E2F3: variants seen among roughly 807,000 people sequenced by gnomAD.
The protein encoded by E2F3 is transcription factor E2F3.
Under a neutral mutation model 44.4 loss-of-function variants are expected in E2F3, and 11 were observed. The ratio of observed to expected loss-of-function variants is 0.25; its 90% CI spans 0.16 to 0.41. The LOEUF (loss-of-function observed/expected upper bound fraction) is 0.41, where lower values mean the gene tolerates loss of function less well. Among genes scored for constraint, E2F3 ranks in the 10% least tolerant of loss-of-function variants. The probability of loss-of-function intolerance (pLI) is 1.00; values close to 1 mark genes in which losing one functional copy is unlikely to be tolerated. For synonymous variants in E2F3, 249 were observed against 253.0 expected (o/e 0.98, Z 0.15); for missense variants, 487 against 583.6 (o/e 0.83, Z 1.70).
intron 1 of E2F3, among the ~76,000 whole-genome samples, chr6:20,433,836 G>A (rs1021861379): frequency 6.6e-6 from 1 of 152,102 alleles, no homozygotes; most frequent in African/African-American, 2.4e-5. Context: ...TCTATGGCAC[G>A]AAAACATGAA....
chr6:20,402,271 G>C lies in E2F3; in HGVS notation c.39G>C (p.Leu13=). 1.2e-6 allele frequency: 2 copies of C among 1,608,032 alleles called. No homozygotes were observed. Among genetic ancestry groups the C allele is most frequent in the Non-Finnish European group, 1.7e-6 (2 of 1,178,532 alleles). ...TCCAGCCCGCTCTGGAGCAGTACCT[G>C]GTGACCGCCGGGGGTGGGGAGGGGG... ...KGIQPALEQY[L]VTAGGGEGAA... Residue 13 remains leucine, a synonymous_variant, in exon 1 of 7, where the codon CTG becomes CTC. Transcript: ENST00000346618. This position sits in a 1 kb window ranked among gnomAD's most constrained non-coding sequence, Gnocchi z 5.6.
chr6:20,433,277 G>A (rs1760465943), intron 1 of E2F3, among the ~76,000 whole-genome samples: 1 of 152,152 alleles, frequency 6.6e-6, no homozygotes. Context: ...ATTGCCAAGT[G>A]CCTGTCTGTG....
intron 4 of E2F3, among the ~76,000 whole-genome samples, chr6:20,485,139 G>A (rs1762349706): frequency 6.6e-6 from 1 of 151,902 alleles, no homozygotes; most frequent in Non-Finnish European, 1.5e-5. Context: ...GGAATTTTTT[G>A]TGGGTACATA....
intron 1 of E2F3, among the ~76,000 whole-genome samples, chr6:20,459,610 C>T (rs1179979366): frequency 6.6e-6 from 1 of 151,978 alleles, no homozygotes; most frequent in Non-Finnish European, 1.5e-5. Context: ...TTAAAATAAT[C>T]GATATGGAAG....
chr6:20,402,450 C>T lies in E2F3; in HGVS notation c.218C>T (p.Ser73Phe), dbSNP rs757258799. ...TNTSTTSCSS[S>F]LQSGAVAAGP... ...ACTTCCACCACCTCCTGTTCCTCCT[C>T]CCTCCAAAGCGGCGCCGTAGCCGCC... is the stretch of plus-strand genomic sequence containing the variant. The change falls in exon 1 of 7, where the codon TCC becomes TTC. Residue 73 changes from serine to phenylalanine, a missense_variant. Ser to Phe is a radical substitution (Grantham distance 155, BLOSUM62 -2). Coordinates refer to ENST00000346618, the MANE Select transcript of E2F3 (RefSeq NM_001949.5). This position sits in a 1 kb window ranked among gnomAD's most constrained non-coding sequence, Gnocchi z 5.6. The T allele has an allele frequency of 1.2e-6, 2 of 1,611,084 alleles. No homozygotes were observed. The highest frequency in any genetic ancestry group is 2.2e-5 in the East Asian group (1 of 44,812).
In E2F3 at chr6:20,492,711, C is replaced by T. The variant is rs1198856513; in HGVS notation, c.*2281C>T. On this transcript the variant is annotated 3_prime_UTR_variant, in exon 7 of 7. Coordinates refer to ENST00000346618, the MANE Select transcript of E2F3 (RefSeq NM_001949.5). ...TATTGTTTTTAAAATGAAAGGAATACTAATAAGTCTTAAAAGTTCCTTCAT... is the reference window on the plus strand; with the variant it reads ...TATTGTTTTTAAAATGAAAGGAATATTAATAAGTCTTAAAAGTTCCTTCAT... The T allele has an allele frequency of 4.3e-6, 1 of 231,168 alleles. No homozygotes were observed. Among genetic ancestry groups the T allele is most frequent in the East Asian group, 6.1e-5 (1 of 16,270 alleles). 14.3% of individuals were successfully genotyped at this position (231,168 alleles called of 1,614,324 possible).
At chr6:20,460,733 C>G (rs910894003) in intron 1 of E2F3, among the ~76,000 whole-genome samples, 2 of 152,064 alleles carry the variant, frequency 1.3e-5, no homozygotes, top group African/African-American at 2.4e-5. Context: ...TGGTGGCTCA[C>G]GCCCGTAATC....
chr6:20,407,844 A>C (rs1007534372), intron 1 of E2F3, among the ~76,000 whole-genome samples: 1 of 152,242 alleles, frequency 6.6e-6, no homozygotes, highest in Non-Finnish European at 1.5e-5. Flanking sequence ...TCCTACTAAC[A>C]GCTGTAACTA....
At chr6:20,467,616 G>A (rs192601814) in intron 1 of E2F3, among the ~76,000 whole-genome samples, 1 of 152,126 alleles carries the variant, frequency 6.6e-6, no homozygotes, top group Non-Finnish European at 1.5e-5. Flanking sequence ...TGGGAGCGAG[G>A]TTCTGTGAGT....
At chr6:20,410,668 A>C (rs1377240131) in intron 1 of E2F3, among the ~76,000 whole-genome samples, 2 of 152,140 alleles carry the variant, frequency 1.3e-5, no homozygotes, top group East Asian at 3.9e-4. Flanking sequence ...GCCCAGGCTG[A>C]AATGCAATGG....
intron 1 of E2F3, among the ~76,000 whole-genome samples, chr6:20,438,576 A>G (rs910090704): frequency 1.3e-5 from 2 of 152,330 alleles, no homozygotes; most frequent in South Asian, 2.1e-4. Context: ...TCAAATTTCT[A>G]TTGTGAAAAT....
chr6:20,459,456 T>C (rs1761427054), intron 1 of E2F3, among the ~76,000 whole-genome samples: 1 of 152,226 alleles, frequency 6.6e-6, no homozygotes, highest in Non-Finnish European at 1.5e-5. Flanking sequence ...CCGTTACCAC[T>C]ATATTATGTT....
chr6:20,448,692 A>G (rs898084489), intron 1 of E2F3, among the ~76,000 whole-genome samples: 5 of 152,274 alleles, frequency 3.3e-5, no homozygotes, highest in East Asian at 1.9e-4. Context: ...GGAGAAGAGT[A>G]TGTTGTATTT....
In E2F3 at chr6:20,490,344, C is replaced by T; in HGVS notation, c.1312C>T (p.Leu438Phe). 1.2e-6 allele frequency: 2 copies of T among 1,613,606 alleles called. No individual in the cohort carries two copies. The highest frequency in any genetic ancestry group is 1.7e-6 in the Non-Finnish European group (2 of 1,179,816). ...PLLQEDYLLS[L>F]GEEEGISDLF... ...GCTGCAAGAGGACTATCTCCTGAGC[C>T]TCGGGGAGGAGGAAGGCATCAGCGA... is the stretch of plus-strand genomic sequence containing the variant. The change falls in exon 7 of 7, where the codon CTC becomes TTC. Residue 438 changes from leucine (L) to phenylalanine (F), a missense_variant. Around this residue, in one of 3 missense-constraint regions of E2F3, gnomAD observed 220 missense variants for 261.7 expected, o/e 0.84. Coordinates refer to ENST00000346618, the MANE Select transcript of E2F3 (RefSeq NM_001949.5). The surrounding 1 kb of genome is among the most constrained non-coding windows in gnomAD (Gnocchi z 4.3).
At chr6:20,459,348 G>A (rs1761422145) in intron 1 of E2F3, among the ~76,000 whole-genome samples, 1 of 152,176 alleles carries the variant, frequency 6.6e-6, no homozygotes, top group Admixed American at 6.5e-5. Context: ...AGTCCCACGG[G>A]TTATCTGAAG....
At chr6:20,409,448 A>G (rs1172151421) in intron 1 of E2F3, among the ~76,000 whole-genome samples, 1 of 152,232 alleles carries the variant, frequency 6.6e-6, no homozygotes, top group Non-Finnish European at 1.5e-5. Context: ...CACATGCTTC[A>G]TAGAGAATAG....
intron 5 of E2F3, among the ~76,000 whole-genome samples, chr6:20,487,716 C>A (rs1210762238): frequency 1.3e-5 from 2 of 152,156 alleles, no homozygotes; most frequent in African/African-American, 4.8e-5. Flanking sequence ...TTCTCTAGGG[C>A]AGGACTCAGC....
At chr6:20,436,135 C>T (rs1441683415) in intron 1 of E2F3, among the ~76,000 whole-genome samples, 2 of 152,046 alleles carry the variant, frequency 1.3e-5, no homozygotes, top group African/African-American at 2.4e-5. Flanking sequence ...CATGTACCAC[C>T]ACGCCCAGCT....
chr6:20,459,652 C>G (rs891836082), intron 1 of E2F3, among the ~76,000 whole-genome samples: 1 of 152,050 alleles, frequency 6.6e-6, no homozygotes, highest in African/African-American at 2.4e-5. Context: ...ATTTTTGTTT[C>G]CTTTTGAAAA....
Sources: allele counts gnomAD v4.1 joint callset (sites outside exome capture counted in the v4.1 genomes callset), GRCh38; gene constraint gnomAD v4.1.1; regional missense constraint gnomAD v4.1.1; non-coding constraint Gnocchi (gnomAD v3.1); transcripts MANE v1.5; gene names NCBI Gene and HGNC (gene_info 2026-07-23, HGNC 2026-07-21).